Variants in BBOF1 observed in about 807,000 individuals in gnomAD.
BBOF1 encodes the protein basal body-orientation factor 1.
BBOF1 carries 62 observed loss-of-function variants against 68.0 expected under a neutral mutation model. The observed-to-expected ratio is 0.91, with a 90% CI of 0.74 to 1.13. The LOEUF is 1.13. BBOF1 is among the 50% of genes most tolerant of loss of function. The pLI, the probability that BBOF1 is intolerant of heterozygous loss-of-function variation, is 0.00. For synonymous variants in BBOF1, 208 were observed against 198.8 expected, an observed-to-expected ratio of 1.05 and a Z score of -0.39; for missense variants, 534 against 600.1, an observed-to-expected ratio of 0.89 and a Z score of 1.15.
intron 5 of BBOF1, among the ~76,000 whole-genome samples, chr14:74,044,567 A>G (rs891581276): frequency 6.6e-6 from 1 of 151,012 alleles, no homozygotes; most frequent in Non-Finnish European, 1.5e-5. Flanking sequence ...GTCTCATACA[A>G]TCCTCCTGGC....
chr14:74,070,132 C>T (rs953581498), downstream of BBOF1, among the ~76,000 whole-genome samples: 1 of 152,258 alleles, frequency 6.6e-6, no homozygotes, highest in East Asian at 1.9e-4. Context: ...TGTGCCACTG[C>T]ACCCAGCCTT....
intron 9 of BBOF1, among the ~76,000 whole-genome samples, chr14:74,073,280 A>G (rs913184780): frequency 6.6e-6 from 1 of 150,744 alleles, no homozygotes; most frequent in African/African-American, 2.4e-5. Context: ...ATTTTTTTGT[A>G]CTTTTGATAG....
intron 9 of BBOF1, among the ~76,000 whole-genome samples, chr14:74,076,799 C>T (rs1234503062): frequency 6.6e-6 from 1 of 152,176 alleles, no homozygotes; most frequent in Non-Finnish European, 1.5e-5. Context: ...ATCCACCCGC[C>T]TCAGCCTCCC....
intron 4 of BBOF1, among the ~76,000 whole-genome samples, chr14:74,038,362 C>A (rs1476513886): frequency 6.6e-6 from 1 of 152,158 alleles, no homozygotes; most frequent in Non-Finnish European, 1.5e-5. Context: ...ATTCTGAATT[C>A]AAATGAATTA....
intron 9 of BBOF1, chr14:74,075,089 T>C: frequency 7.1e-7 from 1 of 1,401,132 alleles, no homozygotes; most frequent in Non-Finnish European, 1.0e-6. Context: ...AAATAGCTAC[T>C]ATATGCTATT....
chr14:74,060,552 C>T, intron 11 of BBOF1: 2 of 978,104 alleles, frequency 2.0e-6, no homozygotes, highest in Non-Finnish European at 3.3e-6. Flanking sequence ...CCAATCCCAT[C>T]GATCTGATCT....
At chr14:74,056,876 A>C (rs1179868670) in intron 9 of BBOF1, 30 bp from the exon 10 acceptor site, 1 of 1,502,856 alleles carries the variant, frequency 6.7e-7, no homozygotes, top group Non-Finnish European at 9.2e-7. Context: ...TGCCTCATTC[A>C]TTATCTTTGT....
At position 74,065,238 on chromosome 14, in the gene BBOF1, G is replaced by A; in HGVS notation, c.*539G>A. On this transcript the variant is annotated 3_prime_UTR_variant, in exon 12 of 12. Coordinates refer to ENST00000394009, the MANE Select transcript of BBOF1 (RefSeq NM_025057.3). ...GAGCAGTGGCTCCATTGGTGGTGAA[G>A]ATGGCAGTTCCATTTCCATATGGGT... The A allele has an allele frequency of 9.3e-6, 15 of 1,614,132 alleles. No individual in the cohort carries two copies. The highest frequency in any genetic ancestry group is 1.3e-5 in the Non-Finnish European group (15 of 1,180,020).
chr14:74,052,561 C>T (rs2139644110), intron 8 of BBOF1, among the ~76,000 whole-genome samples: 1 of 152,100 alleles, frequency 6.6e-6, no homozygotes, highest in South Asian at 2.1e-4. Flanking sequence ...AGGAGAATCA[C>T]TTGAACCTGG....
intron 4 of BBOF1, among the ~76,000 whole-genome samples, chr14:74,038,900 A>G (rs1004548889): frequency 6.6e-6 from 1 of 152,176 alleles, no homozygotes; most frequent in African/African-American, 2.4e-5. Flanking sequence ...CAAAAAAAGA[A>G]AAAAAGAAGA....
chr14:74,022,273 C>T (rs1028700480), intron 1 of BBOF1, among the ~76,000 whole-genome samples: 8 of 151,970 alleles, frequency 5.3e-5, no homozygotes, highest in African/African-American at 1.2e-4. Context: ...ACTGCCCAAG[C>T]GCAGTGGCTC....
intron 4 of BBOF1, 22 bp downstream of exon 4, chr14:74,034,193 C>A: frequency 1.4e-6 from 2 of 1,477,936 alleles, no homozygotes; most frequent in Non-Finnish European, 9.0e-7. Flanking sequence ...TCCTTTTTTA[C>A]AAAAAGGAAA....
chr14:74,072,409 C>G (rs753544118), intron 9 of BBOF1: 2 of 1,613,870 alleles, frequency 1.2e-6, no homozygotes, highest in African/African-American at 2.7e-5. Context: ...GACTCACCTT[C>G]TCCACTGTAC....
chr14:74,059,022 T>C (rs2139710868), intron 11 of BBOF1: 1 of 148,178 alleles, frequency 6.7e-6, no homozygotes, highest in Admixed American at 7.5e-5. Flanking sequence ...AGGCAGAGGT[T>C]GCAGTGAGCC....
rs756594620 is a variant in BBOF1, at chr14:74,023,008, G to C, written c.149G>C (p.Arg50Thr). The change falls in exon 2 of 12, where the codon AGG (arginine) becomes ACG (threonine). Residue 50 changes from arginine to threonine, a missense_variant. Arg to Thr is a moderately conservative substitution (Grantham distance 71). Transcript: ENST00000394009. ...AGGTTGGAAGTCACAGAACTCTCTA[G>C]GATTAAGTATCGTGATACTTCACGG... ...EARLEVTELS[R>T]IKYRDTSRIL... 6.2e-7 allele frequency: 1 copy of C among 1,612,730 alleles called. No individual in the cohort carries two copies. Among genetic ancestry groups the C allele is most frequent in the Admixed American group, 1.7e-5 (1 of 59,860 alleles).
chr14:74,060,539 A>G, intron 11 of BBOF1: 1 of 891,088 alleles, frequency 1.1e-6, no homozygotes, highest in Non-Finnish European at 1.9e-6. Flanking sequence ...GTTACAATGT[A>G]TTCCAATCCC....
intron 8 of BBOF1, among the ~76,000 whole-genome samples, chr14:74,054,490 T>G (rs1181818645): frequency 6.6e-6 from 1 of 151,630 alleles, no homozygotes; most frequent in East Asian, 1.9e-4. Flanking sequence ...GTGATTCTCC[T>G]GCCTCAGCCT....
intron 2 of BBOF1, among the ~76,000 whole-genome samples, chr14:74,024,776 T>A (rs1017668586): frequency 6.6e-6 from 1 of 152,122 alleles, no homozygotes; most frequent in Non-Finnish European, 1.5e-5. Flanking sequence ...GATTTTTTTG[T>A]AGTTTTTGTG....
chr14:74,022,410 T>C (rs150568077), intron 1 of BBOF1, among the ~76,000 whole-genome samples: 1 of 152,206 alleles, frequency 6.6e-6, no homozygotes, highest in African/African-American at 2.4e-5. Flanking sequence ...TAGCTGGGCA[T>C]AGTTGCATGA....
Sources: gnomAD v4.1 joint callset for allele counts (sites outside exome capture counted in the v4.1 genomes callset) on GRCh38, gnomAD v4.1.1 for gene constraint, MANE v1.5 for transcripts, NCBI Gene and HGNC (gene_info 2026-07-23, HGNC 2026-07-21) for gene names.